BBS12: variants seen among roughly 807,000 people sequenced by gnomAD.
BBS12 encodes the protein chaperonin-containing T-complex member BBS12.
BBS12 carries 5 observed loss-of-function variants against 5.6 expected under a neutral mutation model. That is an observed-to-expected ratio of 0.89 (90% confidence interval 0.46 to 1.86). The LOEUF is 1.86. BBS12 is among the 40% of genes most tolerant of loss of function. The probability of loss-of-function intolerance (pLI) is 0.01; values close to 1 mark genes in which losing one functional copy is unlikely to be tolerated. For missense variants in BBS12, 748 were observed against 830.4 expected, an observed-to-expected ratio of 0.90 and a Z score of 1.22; for synonymous variants, 308 against 306.8, an observed-to-expected ratio of 1.00 and a Z score of -0.04.
At chr4:122,701,576 T>C in the BBS12 span, among the ~76,000 whole-genome samples, 2 of 152,226 alleles carry the variant, frequency 1.3e-5, no homozygotes, top group Non-Finnish European at 2.9e-5. Context: ...ATAGTGATTT[T>C]TCATTAATAG....
the BBS12 span, among the ~76,000 whole-genome samples, chr4:122,713,512 A>T: frequency 6.6e-6 from 1 of 152,162 alleles, no homozygotes; most frequent in South Asian, 2.1e-4. Context: ...TAAATAAATA[A>T]GTTTTTCTTC....
Position 122,742,515 on chromosome 4 carries a change from C to T in BBS12, c.623C>T (p.Ala208Val). The T allele has an allele frequency of 6.2e-7, 1 of 1,614,088 alleles. No homozygotes were observed. The highest frequency in any genetic ancestry group is 8.5e-7 in the Non-Finnish European group (1 of 1,179,994). Residue 208 changes from alanine to valine, a missense_variant, in exon 2 of 2, where the codon GCA becomes GTA. By Grantham distance (64) the Ala-to-Val change is moderately conservative. Coordinates refer to ENST00000314218, the MANE Select transcript of BBS12 (RefSeq NM_152618.3). Reference protein sequence around the residue: ...ELFKPQTKVEADNNTSRTLKN... With the variant: ...ELFKPQTKVEVDNNTSRTLKN... ...TTTAAACCTCAGACAAAGGTTGAAGCAGATAACAACACATCACGAACTCTG... is the reference window on the plus strand; with the variant it reads ...TTTAAACCTCAGACAAAGGTTGAAGTAGATAACAACACATCACGAACTCTG...
At chr4:122,702,454 A>G in the BBS12 span, among the ~76,000 whole-genome samples, 1 of 152,336 alleles carries the variant, frequency 6.6e-6, no homozygotes, top group Middle Eastern at 3.4e-3. Flanking sequence ...TAGAAGATGG[A>G]TCCTATATGT....
At chr4:122,711,471 A>G in the BBS12 span, among the ~76,000 whole-genome samples, 1 of 152,202 alleles carries the variant, frequency 6.6e-6, no homozygotes, top group Non-Finnish European at 1.5e-5. Context: ...TAGACTTGAA[A>G]CTTCATTTGT....
chr4:122,704,038 C>G, the BBS12 span, among the ~76,000 whole-genome samples: 12 of 151,992 alleles, frequency 7.9e-5, no homozygotes, highest in Non-Finnish European at 1.3e-4. Flanking sequence ...TTTGTAGAGA[C>G]GGTATCCCAC....
At chr4:122,727,358 C>T in the BBS12 span, among the ~76,000 whole-genome samples, 1 of 151,308 alleles carries the variant, frequency 6.6e-6, no homozygotes, top group Non-Finnish European at 1.5e-5. Flanking sequence ...CATTCTCCTG[C>T]CTCAGCCTCC....
At chr4:122,713,765 C>T in the BBS12 span, among the ~76,000 whole-genome samples, 1 of 152,160 alleles carries the variant, frequency 6.6e-6, no homozygotes, top group East Asian at 1.9e-4. Context: ...AATATTTAGA[C>T]AACTGCTTGG....
the BBS12 span, among the ~76,000 whole-genome samples, chr4:122,722,985 T>C: frequency 7.9e-5 from 12 of 152,180 alleles, no homozygotes; most frequent in African/African-American, 2.4e-4. Flanking sequence ...CTTACGCTGT[T>C]CACAGAAATT....
chr4:122,732,537 CCT>C (rs944959496), upstream of BBS12: 4 of 152,512 alleles, frequency 2.6e-5, no homozygotes, highest in African/African-American at 7.2e-5. Context: ...CTCTCACCGA[CCT>C]CTCTCAGCCC....
Position 122,743,362 on chromosome 4 carries a change from C to T in BBS12, c.1470C>T (p.Ile490=). Residue 490 remains isoleucine (I), a synonymous_variant, in exon 2 of 2, where the codon ATC becomes ATT. Transcript: ENST00000314218. ...TAGATAGGAACAACAGAATCGCAAT[C>T]TTATTAAAAACAGAAGGAATTAATT... is the stretch of plus-strand genomic sequence containing the variant. ...DVVDRNNRIA[I]LLKTEGINLV... The T allele has an allele frequency of 6.2e-7, 1 of 1,614,174 alleles. No homozygotes were observed. The highest frequency in any genetic ancestry group is 8.5e-7 in the Non-Finnish European group (1 of 1,180,028).
chr4:122,710,189 C>T, the BBS12 span, among the ~76,000 whole-genome samples: 8 of 152,148 alleles, frequency 5.3e-5, no homozygotes, highest in South Asian at 2.1e-4. Flanking sequence ...GAGTGGGGGA[C>T]ATTTTAGTGA....
rs200854009 is a variant in BBS12, at chr4:122,743,475, A to G, written c.1583A>G (p.Tyr528Cys). The G allele has an allele frequency of 2.5e-6, 4 of 1,614,126 alleles. No individual in the cohort carries two copies. The highest frequency in any genetic ancestry group is 3.4e-6 in the Non-Finnish European group (4 of 1,180,050). Residue 528 changes from tyrosine to cysteine, a missense_variant, in exon 2 of 2, where the codon TAT (tyrosine) becomes TGT (cysteine). Coordinates refer to ENST00000314218, the MANE Select transcript of BBS12 (RefSeq NM_152618.3). ...RFWTCAYRLYYALKEEKVFLG... is the reference protein window; with the variant it reads ...RFWTCAYRLYCALKEEKVFLG... Reference sequence around the variant, plus strand: ...TGGACATGTGCCTATCGTTTGTATTATGCTCTAAAAGAGGAAAAGGTCTTC... The same window carrying G: ...TGGACATGTGCCTATCGTTTGTATTGTGCTCTAAAAGAGGAAAAGGTCTTC...
At position 122,741,999 on chromosome 4, in the gene BBS12, C is replaced by T. The variant is rs746302850; in HGVS notation, c.107C>T (p.Ser36Phe). 9 of 1,613,252 alleles carry T rather than the reference C, an allele frequency of 5.6e-6. No homozygotes were observed. In the Admixed American group the frequency reaches 8.3e-5, roughly 15 times the overall value. Residue 36 changes from serine to phenylalanine, a missense_variant, in exon 2 of 2, where the codon TCC (serine) becomes TTC (phenylalanine). Transcript: ENST00000314218. ...GRTFLGPLKS[S>F]KFIIDEECHE... The stretch of plus-strand genomic sequence containing the variant: ...ACTTTCCTAGGCCCACTAAAATCAT[C>T]CAAATTTATTATAGATGAAGAATGT...
chr4:122,706,746 G>T, the BBS12 span, among the ~76,000 whole-genome samples: 1 of 152,072 alleles, frequency 6.6e-6, no homozygotes, highest in East Asian at 1.9e-4. Context: ...AGAATCTCTA[G>T]TTCTTTCATG....
the BBS12 span, among the ~76,000 whole-genome samples, chr4:122,725,097 T>C: frequency 6.6e-6 from 1 of 152,186 alleles, no homozygotes; most frequent in African/African-American, 2.4e-5. Context: ...TACTGTTACA[T>C]AGCACAAATA....
rs756782855 is a variant in BBS12 at position 122,741,879 on chromosome 4, G to T, written c.-10-4G>T. The stretch of plus-strand genomic sequence containing the variant: ...AAAGTTACAAGTTTTTATTTTGTTT[G>T]CAGATCATGATACATGGTGATGGCT... On this transcript the variant is annotated splice_polypyrimidine_tract_variant and splice_region_variant and intron_variant, in intron 1 of 1. Transcript: ENST00000314218. The T allele has an allele frequency of 1.9e-6, 3 of 1,611,090 alleles. No individual in the cohort carries two copies.
At position 122,743,453 on chromosome 4, in the gene BBS12, A is replaced by G; in HGVS notation, c.1561A>G (p.Thr521Ala). Residue 521 changes from threonine (T) to alanine (A), a missense_variant, in exon 2 of 2, where the codon ACA (threonine) becomes GCA (alanine). By Grantham distance (58) the Thr-to-Ala change is moderately conservative. Coordinates refer to ENST00000314218, the MANE Select transcript of BBS12 (RefSeq NM_152618.3). ...GCAAATCAAAGAAGATAGGTTCTGG[A>G]CATGTGCCTATCGTTTGTATTATGC... ...QMQIKEDRFWTCAYRLYYALK... is the reference protein window; with the variant it reads ...QMQIKEDRFWACAYRLYYALK... 1.2e-6 allele frequency: 2 copies of G among 1,614,250 alleles called. No homozygotes were observed. Among genetic ancestry groups the G allele is most frequent in the Non-Finnish European group, 1.7e-6 (2 of 1,180,036 alleles).
chr4:122,701,307 A>G, the BBS12 span, among the ~76,000 whole-genome samples: 1 of 152,246 alleles, frequency 6.6e-6, no homozygotes. Context: ...TAGCGAGTCC[A>G]TACCCGATAA....
the BBS12 span, among the ~76,000 whole-genome samples, chr4:122,716,900 G>A: frequency 6.6e-6 from 1 of 152,034 alleles, no homozygotes; most frequent in Non-Finnish European, 1.5e-5. Flanking sequence ...CCTAAATTAT[G>A]CTAGATAAAT....
Sources: allele counts gnomAD v4.1 joint callset (sites outside exome capture counted in the v4.1 genomes callset), GRCh38; gene constraint gnomAD v4.1.1; transcripts MANE v1.5; gene names NCBI Gene and HGNC (gene_info 2026-07-23, HGNC 2026-07-21).